The following TGFBR3 variants were observed in gnomAD, a reference collection of about 807,000 sequenced individuals.
The protein encoded by TGFBR3 is transforming growth factor beta receptor 3, also known as transforming growth factor beta receptor type 3.
In TGFBR3, 46 loss-of-function variants were observed where a neutral mutation model predicts 87.9. The ratio of observed to expected loss-of-function variants is 0.52; its 90% CI spans 0.41 to 0.67. The LOEUF (loss-of-function observed/expected upper bound fraction) is 0.67. Ranked by LOEUF, TGFBR3 falls within the 30% of genes least tolerant of loss-of-function variation. TGFBR3 has a pLI of 0.00. For synonymous variants in TGFBR3, 381 were observed against 391.6 expected, an observed-to-expected ratio of 0.97 and a Z score of 0.32; for missense variants, 866 against 1,041.9, an observed-to-expected ratio of 0.83 and a Z score of 2.32.
At chr1:91,719,238 G>A in intron 10 of TGFBR3, 74 bp downstream of exon 10, 1 of 1,604,130 alleles carries the variant, frequency 6.2e-7, no homozygotes, top group Non-Finnish European at 8.5e-7. Flanking sequence ...TCAAAGAAAT[G>A]TTAAGACTAA....
chr1:91,753,543 G>A lies in TGFBR3; in HGVS notation c.384+5070C>T, dbSNP rs371343253. Among the ~76,000 whole-genome samples the A allele has an allele frequency of 1.1e-4, 17 of 151,954 alleles. No individual in the cohort carries two copies. The South Asian group carries it at 3.5e-3, about 32-fold the overall frequency. On this transcript the variant is annotated intron_variant, in intron 4 of 16. Coordinates refer to ENST00000212355, the MANE Select transcript of TGFBR3 (RefSeq NM_003243.5). Reference sequence around the variant, plus strand: ...CAAGGTGTGGTATATTCACCACTATGTAATTATAGAACATTTTTGTCACCT... The same window carrying A: ...CAAGGTGTGGTATATTCACCACTATATAATTATAGAACATTTTTGTCACCT...
At chr1:91,816,156 G>T (rs146967605) in intron 2 of TGFBR3, among the ~76,000 whole-genome samples, 273 of 152,258 alleles carry the variant, frequency 1.8e-3, no homozygotes, top group African/African-American at 6.2e-3. Context: ...GAAAGCAACA[G>T]AAGGATGGCA....
chr1:91,877,996 C>T (rs756590779), intron 1 of TGFBR3, among the ~76,000 whole-genome samples: 1 of 152,206 alleles, frequency 6.6e-6, no homozygotes, highest in Non-Finnish European at 1.5e-5. Context: ...ATAGGGAAGA[C>T]CTTACGCTGC....
rs1413942411 is a variant in TGFBR3, at chr1:91,767,011, T to G, written c.247-8261A>C. Among the ~76,000 whole-genome samples, 3 of 133,670 alleles carry G rather than the reference T, an allele frequency of 2.2e-5. 1 individual carries two copies. Among genetic ancestry groups the G allele is most frequent in the Admixed American group, 1.5e-4 (2 of 13,216 alleles). The allele number at this position is 133,670 out of a possible 152,430, so 87.7% of individuals were successfully genotyped here. A position where few individuals can be genotyped will look rare whatever the true frequency, so the allele number is the denominator to read the frequency against. The stretch of plus-strand genomic sequence containing the variant: ...ACCCCAAACTCCTGTGGGAGATGGA[T>G]TTGAGTTTTCCCCCAGTTCAGCAGC... On this transcript the variant is annotated intron_variant, in intron 3 of 16. Coordinates refer to ENST00000212355, the MANE Select transcript of TGFBR3 (RefSeq NM_003243.5).
chr1:91,887,068 C>T (rs558667691), upstream of TGFBR3, among the ~76,000 whole-genome samples: 3 of 151,998 alleles, frequency 2.0e-5, no homozygotes, highest in South Asian at 6.2e-4. Context: ...TACAAACAGG[C>T]AGGTGAAATG....
chr1:91,731,746 T>C lies in TGFBR3; in HGVS notation c.569-1773A>G, dbSNP rs557021425. 1.3e-4 allele frequency among the ~76,000 whole-genome samples: 20 copies of C among 152,318 alleles called. 1 individual carries two copies. The South Asian group carries it at 3.5e-3, about 27-fold the overall frequency. ...AGTTCATAGGTGTGCCTGGCTTGTA[T>C]CTGGCACATAGTGGGCATATGGTAT... On this transcript the variant is annotated intron_variant, in intron 5 of 16. Coordinates refer to ENST00000212355, the MANE Select transcript of TGFBR3 (RefSeq NM_003243.5).
chr1:91,749,007 C>T (rs1463747893), intron 4 of TGFBR3, among the ~76,000 whole-genome samples: 1 of 152,156 alleles, frequency 6.6e-6, no homozygotes, highest in East Asian at 1.9e-4. Flanking sequence ...TGTATCCTCA[C>T]ATTGGGCCAT....
chr1:91,745,184 A>G (rs1417046570), intron 4 of TGFBR3, among the ~76,000 whole-genome samples: 1 of 152,112 alleles, frequency 6.6e-6, no homozygotes, highest in Non-Finnish European at 1.5e-5. Context: ...GAAGTTCAAC[A>G]CTTACACAAT....
intron 3 of TGFBR3, among the ~76,000 whole-genome samples, chr1:91,787,934 T>G (rs1675029137): frequency 7.7e-6 from 1 of 129,420 alleles, no homozygotes; most frequent in Non-Finnish European, 1.6e-5. Context: ...CCAGACCCTG[T>G]CTCACGGGGA....
At chr1:91,722,918 C>A (rs1021732517) in intron 7 of TGFBR3, among the ~76,000 whole-genome samples, 12 of 152,214 alleles carry the variant, frequency 7.9e-5, no homozygotes, top group African/African-American at 2.9e-4. Flanking sequence ...TGGTCCCTCA[C>A]TGACTGAACC....
intron 1 of TGFBR3, among the ~76,000 whole-genome samples, chr1:91,862,568 G>A (rs965578701): frequency 3.9e-5 from 6 of 152,142 alleles, no homozygotes; most frequent in African/African-American, 1.4e-4. Flanking sequence ...AGTCTTCAAT[G>A]AGAGTTTTGT....
intron 10 of TGFBR3, among the ~76,000 whole-genome samples, chr1:91,718,544 C>A (rs1343372707): frequency 8.6e-6 from 1 of 115,676 alleles, no homozygotes; most frequent in African/African-American, 3.3e-5. Context: ...AAAAGTAAAA[C>A]CCAAAATGCA....
At chr1:91,705,134 A>G (rs978673422) in intron 14 of TGFBR3, among the ~76,000 whole-genome samples, 3 of 152,298 alleles carry the variant, frequency 2.0e-5, no homozygotes, top group Non-Finnish European at 4.4e-5. Context: ...TACAATAAAG[A>G]GACATAAAGC....
chr1:91,902,371 C>T lies in TGFBR3; in HGVS notation c.-174-2674G>A, dbSNP rs189100926. 5.3e-4 allele frequency among the ~76,000 whole-genome samples: 81 copies of T among 151,878 alleles called. 1 individual carries two copies. Among genetic ancestry groups the T allele is most frequent in the South Asian group, 4.6e-3 (22 of 4,808 alleles). On this transcript the variant is annotated intron_variant, in intron 1 of 17. Coordinates refer to the TGFBR3 transcript ENST00000370399. ...ATAGCTCACTGCAGCCTCAAACTCT[C>T]GGACTCAAGCAATCCTCCCACCTTA... is the stretch of plus-strand genomic sequence containing the variant.
chr1:91,811,829 A>G (rs1266925929), intron 2 of TGFBR3, among the ~76,000 whole-genome samples: 1 of 152,164 alleles, frequency 6.6e-6, no homozygotes, highest in Admixed American at 6.5e-5. Context: ...ATACATCTGT[A>G]TCTGACAAAG....
chr1:91,787,052 C>T (rs1181083463), intron 3 of TGFBR3, among the ~76,000 whole-genome samples: 1 of 152,164 alleles, frequency 6.6e-6, no homozygotes, highest in African/African-American at 2.4e-5. Context: ...CCTATAATCC[C>T]CGCACTTTGG....
chr1:91,730,858 T>A (rs1379519495), intron 5 of TGFBR3, among the ~76,000 whole-genome samples: 1 of 152,248 alleles, frequency 6.6e-6, no homozygotes, highest in Non-Finnish European at 1.5e-5. Flanking sequence ...CTTTACAGTT[T>A]ACAAAGTGCT....
chr1:91,820,911 T>G (rs181873649), intron 2 of TGFBR3, among the ~76,000 whole-genome samples: 1 of 152,184 alleles, frequency 6.6e-6, no homozygotes, highest in African/African-American at 2.4e-5. Context: ...ACTCTAACTA[T>G]AAATGGTTCT....
At chr1:91,864,551 T>C (rs1300679187) in intron 1 of TGFBR3, among the ~76,000 whole-genome samples, 1 of 152,186 alleles carries the variant, frequency 6.6e-6, no homozygotes, top group Non-Finnish European at 1.5e-5. Flanking sequence ...ATGTAACTGT[T>C]CAAAAAGAAA....
Sources: gnomAD v4.1 joint callset for allele counts (sites outside exome capture counted in the v4.1 genomes callset) on GRCh38, gnomAD v4.1.1 for gene constraint, MANE v1.5 for transcripts, NCBI Gene and HGNC (gene_info 2026-07-23, HGNC 2026-07-21) for gene names.